The following IFT56 variants were observed in gnomAD, a reference collection of about 807,000 sequenced individuals.
The protein encoded by IFT56 is intraflagellar transport protein 56.
At chr7:139,156,876 C>A in the IFT56 span, among the ~76,000 whole-genome samples, 1 of 152,150 alleles carries the variant, frequency 6.6e-6, no homozygotes, top group Non-Finnish European at 1.5e-5. Context: ...GATTTGTAAT[C>A]AAGTTTCACA....
chr7:139,134,273 A>ATTTT, the IFT56 span, among the ~76,000 whole-genome samples: 2 of 141,406 alleles, frequency 1.4e-5, no homozygotes, highest in Admixed American at 7.0e-5. Flanking sequence ...TTGACTTATA[A>ATTTT]TTTTTTTTTT....
At chr7:139,160,216 C>A in the IFT56 span, among the ~76,000 whole-genome samples, 193 of 152,166 alleles carry the variant, frequency 1.3e-3, no homozygotes, top group African/African-American at 4.6e-3. Context: ...ATGATTTTAT[C>A]CAGAAAAGCT....
chr7:139,141,529 A>G, the IFT56 span, among the ~76,000 whole-genome samples: 3 of 152,134 alleles, frequency 2.0e-5, no homozygotes, highest in Non-Finnish European at 2.9e-5. Context: ...TTTATCTCAT[A>G]TTTGTAGGCT....
At chr7:139,139,329 T>A in the IFT56 span, among the ~76,000 whole-genome samples, 1 of 152,062 alleles carries the variant, frequency 6.6e-6, no homozygotes. Flanking sequence ...AACCCACTTG[T>A]AGTAAGAAAA....
chr7:139,187,283 G>A, the IFT56 span: 2 of 1,181,030 alleles, frequency 1.7e-6, no homozygotes, highest in East Asian at 2.5e-5. Context: ...CTTGCTAACT[G>A]AAAATGTTGT....
chr7:139,140,321 T>G, the IFT56 span, among the ~76,000 whole-genome samples: 1 of 152,166 alleles, frequency 6.6e-6, no homozygotes, highest in African/African-American at 2.4e-5. Context: ...TTATTCAGGC[T>G]CTTATGGCTG....
chr7:139,160,413 A>G, the IFT56 span, among the ~76,000 whole-genome samples: 48 of 151,214 alleles, frequency 3.2e-4, no homozygotes, highest in Non-Finnish European at 5.2e-4. Context: ...GCTGCTTAGT[A>G]TAAGTTTCAA....
At chr7:139,160,012 A>G in the IFT56 span, among the ~76,000 whole-genome samples, 4 of 152,216 alleles carry the variant, frequency 2.6e-5, no homozygotes, top group Non-Finnish European at 5.9e-5. Flanking sequence ...GATCATTTAT[A>G]GAGTATAAAA....
At chr7:139,169,248 T>C in the IFT56 span, 1 of 1,541,992 alleles carries the variant, frequency 6.5e-7, no homozygotes, top group Admixed American at 1.7e-5. Context: ...AATAAAATAT[T>C]TTTACCTTAT....
chr7:139,168,925 G>C, the IFT56 span, among the ~76,000 whole-genome samples: 14 of 152,176 alleles, frequency 9.2e-5, no homozygotes, highest in African/African-American at 2.9e-4. Flanking sequence ...TAGTAGATAG[G>C]CAGCAAATAT....
the IFT56 span, among the ~76,000 whole-genome samples, chr7:139,156,499 C>T: frequency 0.053 from 8,085 of 151,772 alleles, 299 homozygotes; most frequent in South Asian, 0.16. Context: ...AACTGCATCC[C>T]GTAAGTTTTG....
chr7:139,170,396 C>G, the IFT56 span, among the ~76,000 whole-genome samples: 1 of 151,990 alleles, frequency 6.6e-6, no homozygotes, highest in Non-Finnish European at 1.5e-5. Flanking sequence ...ACCAAAGGCA[C>G]ATCAAAAAAA....
At chr7:139,139,033 C>T in the IFT56 span, among the ~76,000 whole-genome samples, 2 of 151,990 alleles carry the variant, frequency 1.3e-5, no homozygotes, top group Non-Finnish European at 2.9e-5. Flanking sequence ...AGGATGGTCT[C>T]GATCTCCTGA....
At chr7:139,181,307 G>T in the IFT56 span, 1 of 761,828 alleles carries the variant, frequency 1.3e-6, no homozygotes. Context: ...AGTAGTGAGA[G>T]GATTCACGTA....
the IFT56 span, among the ~76,000 whole-genome samples, chr7:139,141,604 T>A: frequency 2.0e-5 from 3 of 152,256 alleles, no homozygotes; most frequent in Non-Finnish European, 4.4e-5. Context: ...TCTATTTCCA[T>A]ATTTTTTTTC....
chr7:139,178,385 C>T, the IFT56 span: 1 of 1,440,884 alleles, frequency 6.9e-7, no homozygotes, highest in Non-Finnish European at 9.7e-7. Flanking sequence ...TTAGAGATGG[C>T]CCATTTTCTG....
At chr7:139,151,742 T>A in the IFT56 span, among the ~76,000 whole-genome samples, 1 of 152,236 alleles carries the variant, frequency 6.6e-6, no homozygotes, top group African/African-American at 2.4e-5. Flanking sequence ...TTTCTTTATG[T>A]TTAGTGCTTT....
the IFT56 span, chr7:139,189,398 A>C: frequency 6.2e-7 from 1 of 1,613,420 alleles, no homozygotes; most frequent in African/African-American, 1.3e-5. Flanking sequence ...CGGATCATGA[A>C]GAAATGGGCC....
At chr7:139,173,998 T>C in the IFT56 span, 1 of 625,058 alleles carries the variant, frequency 1.6e-6, no homozygotes, top group Non-Finnish European at 3.0e-6. Context: ...TTTTCATCAT[T>C]TTCATCTTTT....
Sources: gnomAD v4.1 joint callset for allele counts (sites outside exome capture counted in the v4.1 genomes callset) on GRCh38, gnomAD v4.1.1 for gene constraint, MANE v1.5 for transcripts, NCBI Gene and HGNC (gene_info 2026-07-23, HGNC 2026-07-21) for gene names.